The following MAF variants were observed in gnomAD, a reference collection of about 807,000 sequenced individuals.
MAF encodes transcription factor Maf.
MAF carries 10 observed loss-of-function variants against 22.0 expected under a neutral mutation model. The observed-to-expected ratio is 0.45, with a 90% CI of 0.28 to 0.77. The LOEUF (loss-of-function observed/expected upper bound fraction) is 0.77. MAF is among the 30% of genes least tolerant of loss of function. The probability of loss-of-function intolerance (pLI) is 0.12; values close to 1 mark genes in which losing one functional copy is unlikely to be tolerated. For missense variants in MAF, 544 were observed against 548.4 expected, an observed-to-expected ratio of 0.99 and a Z score of 0.08; for synonymous variants, 337 against 255.8, an observed-to-expected ratio of 1.32 and a Z score of -3.03.
At chr16:79,313,735 A>G in the MAF span, among the ~76,000 whole-genome samples, 1 of 152,138 alleles carries the variant, frequency 6.6e-6, no homozygotes, top group African/African-American at 2.4e-5. Flanking sequence ...GGCTTTGCCT[A>G]TCTCACTCCG....
At chr16:79,397,276 A>G in the MAF span, among the ~76,000 whole-genome samples, 5 of 150,548 alleles carry the variant, frequency 3.3e-5, no homozygotes, top group Non-Finnish European at 5.9e-5. Flanking sequence ...CAAGAGGGGG[A>G]AAAAAAAGCA....
chr16:79,232,866 A>G, the MAF span, among the ~76,000 whole-genome samples: 1 of 134,578 alleles, frequency 7.4e-6, no homozygotes, highest in Non-Finnish European at 1.6e-5. Context: ...TTTGAGACAG[A>G]GTCTCACTCT....
the MAF span, among the ~76,000 whole-genome samples, chr16:79,281,021 A>T: frequency 2.6e-5 from 4 of 152,306 alleles, no homozygotes; most frequent in African/African-American, 9.6e-5. Context: ...AAGGCAGGTG[A>T]AAAAGCAGCA....
At chr16:79,259,594 G>GA in the MAF span, among the ~76,000 whole-genome samples, 1 of 152,066 alleles carries the variant, frequency 6.6e-6, no homozygotes, top group Admixed American at 6.5e-5. Flanking sequence ...ATTGCTGGGT[G>GA]AAAAAAGGAT....
chr16:79,367,632 G>C, the MAF span, among the ~76,000 whole-genome samples: 1 of 152,188 alleles, frequency 6.6e-6, no homozygotes, highest in South Asian at 2.1e-4. Context: ...GTCCAAGATG[G>C]TAGCTACATG....
chr16:79,312,210 A>G, the MAF span, among the ~76,000 whole-genome samples: 3 of 152,286 alleles, frequency 2.0e-5, no homozygotes, highest in South Asian at 6.2e-4. Context: ...AAAAGTTGAC[A>G]TTCCTCCATC....
At chr16:79,537,475 A>T in the MAF span, among the ~76,000 whole-genome samples, 3 of 152,246 alleles carry the variant, frequency 2.0e-5, no homozygotes, top group African/African-American at 7.2e-5. Flanking sequence ...TGAGTGACCC[A>T]TTCAAAGCCA....
the MAF span, among the ~76,000 whole-genome samples, chr16:79,441,699 G>A: frequency 2.0e-5 from 3 of 152,188 alleles, no homozygotes; most frequent in Non-Finnish European, 4.4e-5. Flanking sequence ...GATAGAAGAG[G>A]AACAATTATT....
the MAF span, among the ~76,000 whole-genome samples, chr16:79,507,635 C>G: frequency 6.8e-6 from 1 of 147,874 alleles, no homozygotes; most frequent in Non-Finnish European, 1.5e-5. Context: ...CTATGTTAGC[C>G]AGGATGGTCT....
chr16:79,324,624 A>T, the MAF span, among the ~76,000 whole-genome samples: 1 of 152,204 alleles, frequency 6.6e-6, no homozygotes, highest in Non-Finnish European at 1.5e-5. Flanking sequence ...ACACCTAGGT[A>T]GTAAGCAGCA....
the MAF span, among the ~76,000 whole-genome samples, chr16:79,403,718 G>A: frequency 1.3e-5 from 2 of 152,176 alleles, no homozygotes; most frequent in African/African-American, 4.8e-5. Context: ...TGAAACTTGA[G>A]GGCAGGGATA....
the MAF span, among the ~76,000 whole-genome samples, chr16:79,251,844 A>T: frequency 6.6e-6 from 1 of 152,210 alleles, no homozygotes; most frequent in African/African-American, 2.4e-5. Flanking sequence ...TCATCATGAT[A>T]ATTTAAAAAA....
the MAF span, among the ~76,000 whole-genome samples, chr16:79,225,223 C>T: frequency 6.6e-6 from 1 of 152,306 alleles, no homozygotes; most frequent in Admixed American, 6.5e-5. Context: ...CTACAACCAT[C>T]TGATCCTTGA....
chr16:79,550,173 C>G, the MAF span, among the ~76,000 whole-genome samples: 2 of 152,180 alleles, frequency 1.3e-5, no homozygotes, highest in African/African-American at 4.8e-5. Context: ...TGTTTAATAA[C>G]CCCCCTGGCT....
At chr16:79,442,786 G>C in the MAF span, among the ~76,000 whole-genome samples, 6 of 152,210 alleles carry the variant, frequency 3.9e-5, no homozygotes, top group Non-Finnish European at 8.8e-5. Context: ...AACACAAGAA[G>C]GTGTGAGAGA....
chr16:79,596,234 C>T (rs1913516408), intron 1 of MAF: 2 of 1,060,420 alleles, frequency 1.9e-6, no homozygotes, highest in African/African-American at 1.6e-5. Context: ...TATGGCTCAA[C>T]TCATTTGAAA....
At chr16:79,393,818 G>C in the MAF span, among the ~76,000 whole-genome samples, 1 of 152,194 alleles carries the variant, frequency 6.6e-6, no homozygotes, top group South Asian at 2.1e-4. Flanking sequence ...AGGAGCTGAT[G>C]AATGCTGGGC....
chr16:79,429,444 G>A, the MAF span, among the ~76,000 whole-genome samples: 1 of 152,170 alleles, frequency 6.6e-6, no homozygotes, highest in Admixed American at 6.5e-5. Context: ...CCTCCCCTCT[G>A]AGGAGCGCCG....
chr16:79,565,143 T>A, the MAF span, among the ~76,000 whole-genome samples: 1 of 152,196 alleles, frequency 6.6e-6, no homozygotes, highest in African/African-American at 2.4e-5. Context: ...AGCCAAATTT[T>A]CTGCTACCAA....
Sources: gnomAD v4.1 joint callset for allele counts (sites outside exome capture counted in the v4.1 genomes callset) on GRCh38, gnomAD v4.1.1 for gene constraint, MANE v1.5 for transcripts, NCBI Gene and HGNC (gene_info 2026-07-23, HGNC 2026-07-21) for gene names.